Variants in DCP2 observed in about 807,000 individuals in gnomAD.
The protein encoded by DCP2 is m7GpppN-mRNA hydrolase.
Under a neutral mutation model 56.1 loss-of-function variants are expected in DCP2, and 30 were observed. That is an observed-to-expected ratio of 0.53 (90% CI 0.40 to 0.73). DCP2 has a LOEUF of 0.73. Ranked by LOEUF, DCP2 falls within the 30% of genes least tolerant of loss-of-function variation. The pLI, the probability that DCP2 is intolerant of heterozygous loss-of-function variation, is 0.00. For synonymous variants in DCP2, 197 were observed against 163.3 expected (o/e 1.21, Z -1.57); for missense variants, 533 against 502.7 (o/e 1.06, Z -0.58).
At position 113,013,366 on chromosome 5, in the gene DCP2, A is replaced by G; in HGVS notation, c.1145A>G (p.Glu382Gly). ...AGCTCCAGTGAAGACCAGTTGCTAGAACATGCTGAGGGACAGCCCGTGGCA... is the reference window on the plus strand; with the variant it reads ...AGCTCCAGTGAAGACCAGTTGCTAGGACATGCTGAGGGACAGCCCGTGGCA... ...LPSSSEDQLL[E>G]HAEGQPVACN... Residue 382 changes from glutamate (E) to glycine (G), a missense_variant, in exon 11 of 11, where the codon GAA becomes GGA. Physicochemically the swap from Glu to Gly is moderately conservative, Grantham distance 98. Transcript: ENST00000389063. 1 of 1,614,156 alleles carries G rather than the reference A, an allele frequency of 6.2e-7. No homozygotes were observed.
intron 2 of DCP2, among the ~76,000 whole-genome samples, chr5:112,986,680 A>T (rs921089827): frequency 6.6e-6 from 1 of 151,838 alleles, no homozygotes; most frequent in Non-Finnish European, 1.5e-5. Context: ...TGTTTGAAGC[A>T]GTGTTTTCAG....
intron 4 of DCP2, among the ~76,000 whole-genome samples, chr5:112,997,807 G>T (rs1471996124): frequency 6.6e-6 from 1 of 152,034 alleles, no homozygotes; most frequent in African/African-American, 2.4e-5. Context: ...TAGAGATGGG[G>T]TTTCACTATG....
intron 1 of DCP2, among the ~76,000 whole-genome samples, chr5:112,977,203 G>A (rs549188930): frequency 6.6e-6 from 1 of 152,180 alleles, no homozygotes; most frequent in African/African-American, 2.4e-5. Flanking sequence ...CTTCCCCGCA[G>A]AACACCCGGA....
At chr5:112,978,377 A>G (rs1429391788) in intron 1 of DCP2, among the ~76,000 whole-genome samples, 1 of 152,136 alleles carries the variant, frequency 6.6e-6, no homozygotes, top group African/African-American at 2.4e-5. Flanking sequence ...TTCCATTTTC[A>G]TCTGCGCAAA....
intron 10 of DCP2, among the ~76,000 whole-genome samples, chr5:113,013,076 T>G (rs1749744755): frequency 6.6e-6 from 1 of 152,210 alleles, no homozygotes; most frequent in African/African-American, 2.4e-5. Flanking sequence ...AGCAAAGGAA[T>G]GTCAAGGGTC....
At chr5:112,993,114 T>C (rs1748672872) in intron 4 of DCP2, among the ~76,000 whole-genome samples, 1 of 152,194 alleles carries the variant, frequency 6.6e-6, no homozygotes, top group African/African-American at 2.4e-5. Context: ...AGCCTTGGCT[T>C]CCTGACAAGT....
At chr5:112,981,845 A>G (rs749121378) in intron 1 of DCP2, among the ~76,000 whole-genome samples, 9 of 152,112 alleles carry the variant, frequency 5.9e-5, no homozygotes, top group Non-Finnish European at 1.2e-4. Context: ...GTCTCAGCTC[A>G]CTGCAACCCG....
chr5:113,001,761 A>G, intron 7 of DCP2, 87 bp downstream of exon 7: 1 of 1,265,252 alleles, frequency 7.9e-7, no homozygotes, highest in Non-Finnish European at 1.1e-6. Flanking sequence ...TTTGCAGAGG[A>G]TGTAAGATTT....
At chr5:112,982,824 A>G (rs1191537398) in intron 1 of DCP2, among the ~76,000 whole-genome samples, 1 of 152,186 alleles carries the variant, frequency 6.6e-6, no homozygotes, top group Non-Finnish European at 1.5e-5. Context: ...GCGTCAGTTA[A>G]AAAACTTTCT....
intron 2 of DCP2, among the ~76,000 whole-genome samples, chr5:112,989,284 G>A (rs1043763092): frequency 2.0e-5 from 3 of 152,150 alleles, no homozygotes; most frequent in Admixed American, 6.5e-5. Flanking sequence ...TCTTAGATGA[G>A]GATCCCAGTT....
intron 8 of DCP2, among the ~76,000 whole-genome samples, chr5:113,007,287 C>T (rs1436593911): frequency 2.0e-5 from 3 of 151,992 alleles, no homozygotes; most frequent in African/African-American, 7.3e-5. Flanking sequence ...AGCTAATGTC[C>T]CTCGGCATTC....
chr5:113,004,633 T>TA (rs1749327595), intron 8 of DCP2, among the ~76,000 whole-genome samples: 1 of 152,166 alleles, frequency 6.6e-6, no homozygotes, highest in Non-Finnish European at 1.5e-5. Flanking sequence ...TCTGTGTAAC[T>TA]AAAAGGAAAG....
At position 112,996,951 on chromosome 5, in the gene DCP2, G is replaced by C. The variant is rs1037425452; in HGVS notation, c.433-4133G>C. On this transcript the variant is annotated intron_variant, in intron 4 of 10. Transcript: ENST00000389063. ...TTCCAATGGCTGAGCAAAGGAGGTA[G>C]GCTTTAAAGACAGAAAAGAGCTGAG... Among the ~76,000 whole-genome samples the C allele has an allele frequency of 7.9e-5, 12 of 152,280 alleles. 1 individual carries two copies. Among genetic ancestry groups the C allele is most frequent in the Admixed American group, 2.0e-4 (3 of 15,296 alleles).
chr5:112,982,724 A>G (rs184042843), intron 1 of DCP2, among the ~76,000 whole-genome samples: 3 of 152,294 alleles, frequency 2.0e-5, no homozygotes, highest in Admixed American at 1.3e-4. Flanking sequence ...CTGAAAAAGG[A>G]ATACTCTTTT....
chr5:113,002,598 G>A (rs559380414), intron 7 of DCP2, among the ~76,000 whole-genome samples: 8 of 151,956 alleles, frequency 5.3e-5, no homozygotes, highest in Admixed American at 2.6e-4. Flanking sequence ...ACAGCTCACC[G>A]CAGCCTTGAC....
chr5:113,008,316 A>G (rs1167710182), intron 9 of DCP2: 9 of 264,816 alleles, frequency 3.4e-5, no homozygotes, highest in Non-Finnish European at 6.3e-5. Flanking sequence ...TCTCTAGAGC[A>G]ATTATTTGGC....
chr5:112,990,634 G>T (rs1476425729), intron 2 of DCP2, among the ~76,000 whole-genome samples: 1 of 152,036 alleles, frequency 6.6e-6, no homozygotes, highest in Non-Finnish European at 1.5e-5. Flanking sequence ...TAGGGACAGG[G>T]TCTTACTATG....
chr5:112,980,601 A>G (rs1028442564), intron 1 of DCP2, among the ~76,000 whole-genome samples: 1 of 152,256 alleles, frequency 6.6e-6, no homozygotes, highest in Non-Finnish European at 1.5e-5. Context: ...AAACAGATCA[A>G]AAGCATTCAC....
chr5:113,010,193 C>T (rs1296182172), intron 9 of DCP2, among the ~76,000 whole-genome samples: 1 of 150,472 alleles, frequency 6.6e-6, no homozygotes, highest in African/African-American at 2.5e-5. Flanking sequence ...GCACCACACC[C>T]TACTAATTCT....
Sources: gnomAD v4.1 joint callset for allele counts (sites outside exome capture counted in the v4.1 genomes callset) on GRCh38, gnomAD v4.1.1 for gene constraint, MANE v1.5 for transcripts, NCBI Gene and HGNC (gene_info 2026-07-23, HGNC 2026-07-21) for gene names.